Variants in NRG3 observed in about 807,000 individuals in gnomAD.
The protein encoded by NRG3 is neuregulin 3.
NRG3 carries 31 observed loss-of-function variants against 66.9 expected under a neutral mutation model. That is an observed-to-expected ratio of 0.46 (90% CI 0.35 to 0.63). The LOEUF (loss-of-function observed/expected upper bound fraction) is 0.63, where lower values mean the gene tolerates loss of function less well. Ranked by LOEUF, NRG3 falls within the 20% of genes least tolerant of loss-of-function variation. The pLI, the probability that NRG3 is intolerant of heterozygous loss-of-function variation, is 0.00. For synonymous variants in NRG3, 393 were observed against 359.4 expected (o/e 1.09, Z -1.06); for missense variants, 910 against 878.9 (o/e 1.04, Z -0.45).
intron 3 of NRG3, among the ~76,000 whole-genome samples, chr10:82,758,314 T>G (rs1341889626): frequency 6.6e-6 from 1 of 152,088 alleles, no homozygotes; most frequent in Admixed American, 6.6e-5. Context: ...GGAGAGCATT[T>G]TAGGACTTAA....
chr10:81,884,441 T>C (rs867873971), intron 1 of NRG3, among the ~76,000 whole-genome samples: 4 of 152,232 alleles, frequency 2.6e-5, no homozygotes, highest in Admixed American at 6.5e-5. Context: ...TTAAGTTTTG[T>C]TGATATGTAA....
intron 2 of NRG3, among the ~76,000 whole-genome samples, chr10:82,736,075 A>T (rs901518367): frequency 6.6e-6 from 1 of 152,124 alleles, no homozygotes; most frequent in Non-Finnish European, 1.5e-5. Context: ...TATTATATGA[A>T]TTTTTTCTTA....
intron 2 of NRG3, among the ~76,000 whole-genome samples, chr10:82,626,362 G>A (rs1256074766): frequency 6.6e-6 from 1 of 152,088 alleles, no homozygotes; most frequent in Non-Finnish European, 1.5e-5. Flanking sequence ...GGGCTTAATG[G>A]AGATCTCAGT....
chr10:82,349,864 A>G (rs1305579476), intron 1 of NRG3, among the ~76,000 whole-genome samples: 1 of 152,082 alleles, frequency 6.6e-6, no homozygotes, highest in African/African-American at 2.4e-5. Flanking sequence ...TGACTCAGAA[A>G]CGGAACTCCC....
chr10:82,184,924 T>G (rs1204912257), intron 1 of NRG3, among the ~76,000 whole-genome samples: 1 of 152,218 alleles, frequency 6.6e-6, no homozygotes, highest in Non-Finnish European at 1.5e-5. Flanking sequence ...TGAAATGAGA[T>G]GCTTAATTAC....
intron 1 of NRG3, among the ~76,000 whole-genome samples, chr10:81,945,769 A>T (rs1848789840): frequency 6.6e-6 from 1 of 152,146 alleles, no homozygotes; most frequent in Non-Finnish European, 1.5e-5. Flanking sequence ...AGATGAGGTC[A>T]TACTGGAGTG....
intron 1 of NRG3, among the ~76,000 whole-genome samples, chr10:82,311,102 CT>C (rs1263919321): frequency 7.1e-6 from 1 of 141,830 alleles, no homozygotes; most frequent in Non-Finnish European, 1.5e-5. Context: ...AGGTATTACT[CT>C]CTGAGTTGCT....
At chr10:82,619,730 C>G (rs886267546) in intron 2 of NRG3, among the ~76,000 whole-genome samples, 1 of 152,108 alleles carries the variant, frequency 6.6e-6, no homozygotes, top group Non-Finnish European at 1.5e-5. Flanking sequence ...TCTAATATGA[C>G]TGGTGTCCTT....
chr10:82,430,002 G>C (rs1300394073), intron 2 of NRG3, among the ~76,000 whole-genome samples: 1 of 152,030 alleles, frequency 6.6e-6, no homozygotes, highest in Non-Finnish European at 1.5e-5. Flanking sequence ...ATGTCATTCT[G>C]CTGAATCTAT....
At chr10:82,896,814 A>T (rs1241130717) in intron 4 of NRG3, among the ~76,000 whole-genome samples, 1 of 152,344 alleles carries the variant, frequency 6.6e-6, no homozygotes, top group East Asian at 1.9e-4. Context: ...CATCATTGCT[A>T]GGGACTAGTT....
intron 1 of NRG3, among the ~76,000 whole-genome samples, chr10:82,336,004 T>A (rs1301914092): frequency 6.6e-6 from 1 of 152,086 alleles, no homozygotes. Flanking sequence ...TCATTGCAGC[T>A]CAAAAAGCCA....
chr10:82,292,883 C>T (rs7358153), intron 1 of NRG3, among the ~76,000 whole-genome samples: 1 of 152,012 alleles, frequency 6.6e-6, no homozygotes, highest in African/African-American at 2.4e-5. Context: ...AAGAGGGATC[C>T]TTATGGTGAA....
chr10:82,189,800 A>C (rs960502684), intron 1 of NRG3, among the ~76,000 whole-genome samples: 3 of 151,510 alleles, frequency 2.0e-5, no homozygotes, highest in Non-Finnish European at 4.4e-5. Context: ...ATAAAAAATA[A>C]ATAAATAAAT....
chr10:82,075,027 A>C (rs561322922), intron 1 of NRG3, among the ~76,000 whole-genome samples: 1 of 152,186 alleles, frequency 6.6e-6, no homozygotes, highest in African/African-American at 2.4e-5. Flanking sequence ...TTGGCCTTTG[A>C]TCATTATCTG....
intron 1 of NRG3, among the ~76,000 whole-genome samples, chr10:82,126,838 C>G (rs1378300026): frequency 6.6e-6 from 1 of 151,986 alleles, no homozygotes; most frequent in African/African-American, 2.4e-5. Context: ...AGACTACCAG[C>G]AGCAAAGGGA....
intron 2 of NRG3, among the ~76,000 whole-genome samples, chr10:82,361,127 A>G (rs1343969557): frequency 3.9e-5 from 6 of 152,216 alleles, no homozygotes; most frequent in African/African-American, 1.4e-4. Flanking sequence ...CATAAAAGAA[A>G]AATCCTTTGC....
At chr10:82,106,448 G>C (rs574624296) in intron 1 of NRG3, among the ~76,000 whole-genome samples, 2 of 151,726 alleles carry the variant, frequency 1.3e-5, no homozygotes, top group Admixed American at 6.6e-5. Context: ...ATCACCTAAG[G>C]TTAGGCTAGT....
chr10:82,860,489 G>A (rs1434961274), intron 3 of NRG3, among the ~76,000 whole-genome samples: 2 of 152,170 alleles, frequency 1.3e-5, no homozygotes, highest in African/African-American at 2.4e-5. Context: ...CATGTTCCCA[G>A]CACTTATGGG....
At chr10:81,893,120 G>A (rs938032699) in intron 1 of NRG3, among the ~76,000 whole-genome samples, 1 of 152,054 alleles carries the variant, frequency 6.6e-6, no homozygotes, top group African/African-American at 2.4e-5. Flanking sequence ...AGTAATAAAC[G>A]GAAAGTAAAA....
Sources: allele counts gnomAD v4.1 joint callset (sites outside exome capture counted in the v4.1 genomes callset), GRCh38; gene constraint gnomAD v4.1.1; transcripts MANE v1.5; gene names NCBI Gene and HGNC (gene_info 2026-07-23, HGNC 2026-07-21).